The following WDFY1 variants were observed in gnomAD, a reference collection of about 807,000 sequenced individuals.
The protein encoded by WDFY1 is WD repeat and FYVE domain-containing protein 1.
WDFY1 carries 32 observed loss-of-function variants against 56.4 expected under a neutral mutation model. The ratio of observed to expected loss-of-function variants is 0.57; its 90% CI spans 0.43 to 0.76. WDFY1 has a LOEUF of 0.76. Among genes scored for constraint, WDFY1 ranks in the 30% least tolerant of loss-of-function variants. WDFY1 has a pLI of 0.00. For missense variants in WDFY1, 480 were observed against 545.7 expected (o/e 0.88, Z 1.20); for synonymous variants, 192 against 197.3 (o/e 0.97, Z 0.23).
intron 8 of WDFY1, among the ~76,000 whole-genome samples, chr2:223,892,063 C>T (rs1693288670): frequency 6.6e-6 from 1 of 152,132 alleles, no homozygotes; most frequent in African/African-American, 2.4e-5. Context: ...CAACCTCTGC[C>T]TCCTGGGTTC....
intron 4 of WDFY1, 71 bp downstream of exon 4, chr2:223,905,876 T>C: frequency 9.1e-7 from 1 of 1,101,244 alleles, no homozygotes; most frequent in Non-Finnish European, 1.2e-6. Context: ...ATTTTCATCA[T>C]AAGAGATGAT....
At position 223,925,011 on chromosome 2, in the gene WDFY1, A is replaced by G. The variant is rs1484099443; in HGVS notation, c.138-7001T>C. Among the ~76,000 whole-genome samples, 5 of 152,224 alleles carry G rather than the reference A, an allele frequency of 3.3e-5. No homozygotes were observed. The East Asian group carries it at 9.6e-4, about 29-fold the overall frequency. On this transcript the variant is annotated intron_variant, in intron 1 of 11. Coordinates refer to ENST00000233055, the MANE Select transcript of WDFY1 (RefSeq NM_020830.5). Reference sequence around the variant, plus strand: ...AGGCTTGGAAATTGGTTCTATAGAAATCATTTAATAGAATAAAAAAGGAAC... The same window carrying G: ...AGGCTTGGAAATTGGTTCTATAGAAGTCATTTAATAGAATAAAAAAGGAAC...
intron 1 of WDFY1, among the ~76,000 whole-genome samples, chr2:223,927,085 G>T (rs1392724255): frequency 6.6e-6 from 1 of 152,176 alleles, no homozygotes; most frequent in Non-Finnish European, 1.5e-5. Flanking sequence ...AGGCTTTGTT[G>T]TTCCATTTAT....
intron 8 of WDFY1, among the ~76,000 whole-genome samples, chr2:223,888,114 C>T (rs1190812307): frequency 6.6e-6 from 1 of 151,972 alleles, no homozygotes; most frequent in East Asian, 1.9e-4. Context: ...CAGGGTCTCG[C>T]TTTGTCACAC....
chr2:223,918,263 C>T (rs995890335), intron 1 of WDFY1, among the ~76,000 whole-genome samples: 1 of 151,926 alleles, frequency 6.6e-6, no homozygotes, highest in Admixed American at 6.6e-5. Flanking sequence ...TATATATAGT[C>T]ACATAAAGTA....
rs1414762448 is a variant in WDFY1, at chr2:223,895,630, C to T, written c.599G>A (p.Gly200Asp). ...GTCCCACCAGAGGCAGGCGACACTACCTAGGGATTTGTGAGAGAGAGAGAG... is the reference window on the plus strand; with the variant it reads ...GTCCCACCAGAGGCAGGCGACACTATCTAGGGATTTGTGAGAGAGAGAGAG... ...SVITTLKGHE[G>D]SVACLWWDPI... Residue 200 changes from glycine (G) to aspartate (D), a missense_variant and splice_region_variant, in exon 7 of 12, where the codon GGT becomes GAT. Transcript: ENST00000233055. 6.2e-7 allele frequency: 1 copy of T among 1,613,498 alleles called. No individual in the cohort carries two copies. Among genetic ancestry groups the T allele is most frequent in the Non-Finnish European group, 8.5e-7 (1 of 1,179,864 alleles).
At chr2:223,936,991 C>T (rs868835704) in intron 1 of WDFY1, among the ~76,000 whole-genome samples, 4 of 152,182 alleles carry the variant, frequency 2.6e-5, no homozygotes, top group Non-Finnish European at 4.4e-5. Flanking sequence ...TTTTGTTTTG[C>T]GTCTTTTGGC....
At chr2:223,894,087 T>C (rs938743409) in intron 8 of WDFY1, 147 bp downstream of exon 8, 1 of 692,540 alleles carries the variant, frequency 1.4e-6, no homozygotes, top group African/African-American at 1.8e-5. Flanking sequence ...ACAAAGGACC[T>C]TGTCAGAAAT....
intron 2 of WDFY1, among the ~76,000 whole-genome samples, chr2:223,913,724 T>C (rs1000989435): frequency 1.1e-4 from 17 of 152,292 alleles, no homozygotes; most frequent in Admixed American, 9.2e-4. Flanking sequence ...ATTTTTTTAA[T>C]GCCCAACCCT....
In WDFY1 at chr2:223,903,663, A is replaced by T. The variant is rs1295570320; in HGVS notation, c.334+2284T>A. Reference sequence around the variant, plus strand: ...CACGTTTTTTGTTTTTTTTTTTTTAAAAAAAGGGACAGGATCTCACTCTGT... The same window carrying T: ...CACGTTTTTTGTTTTTTTTTTTTTATAAAAAGGGACAGGATCTCACTCTGT... On this transcript the variant is annotated intron_variant, in intron 4 of 11. Coordinates refer to ENST00000233055, the MANE Select transcript of WDFY1 (RefSeq NM_020830.5). 1.2e-4 allele frequency among the ~76,000 whole-genome samples: 17 copies of T among 144,298 alleles called. 1 individual carries two copies. The highest frequency in any genetic ancestry group is 4.8e-4 in the African/African-American group (17 of 35,370). The allele number at this position is 144,298 out of a possible 152,430, so 94.7% of individuals were successfully genotyped here.
At chr2:223,889,446 G>A (rs1693229749) in intron 8 of WDFY1, among the ~76,000 whole-genome samples, 1 of 152,194 alleles carries the variant, frequency 6.6e-6, no homozygotes, top group South Asian at 2.1e-4. Context: ...TGTGTCATGG[G>A]AGGGACCCAG....
At chr2:223,881,760 C>T (rs1375247317) in intron 10 of WDFY1, among the ~76,000 whole-genome samples, 182 bp downstream of exon 10, 1 of 152,102 alleles carries the variant, frequency 6.6e-6, no homozygotes, top group Non-Finnish European at 1.5e-5. Flanking sequence ...TGCACTCCAG[C>T]ATGGGTGACA....
At chr2:223,933,889 G>C (rs568759562) in intron 1 of WDFY1, among the ~76,000 whole-genome samples, 7 of 148,266 alleles carry the variant, frequency 4.7e-5, no homozygotes, top group Admixed American at 2.0e-4. Flanking sequence ...TTGAGCCCAG[G>C]AGGTGGAGGC....
At chr2:223,898,658 G>A (rs947848500) in intron 6 of WDFY1, among the ~76,000 whole-genome samples, 2 of 152,068 alleles carry the variant, frequency 1.3e-5, no homozygotes, top group African/African-American at 4.8e-5. Context: ...CACCTAATTC[G>A]GCCCCCAAAG....
intron 6 of WDFY1, among the ~76,000 whole-genome samples, chr2:223,896,751 C>G (rs910256847): frequency 2.6e-5 from 4 of 152,162 alleles, no homozygotes. Flanking sequence ...TTTCCAAAAA[C>G]AGAACAAAAG....
intron 6 of WDFY1, among the ~76,000 whole-genome samples, chr2:223,896,049 G>A (rs558359615): frequency 3.0e-4 from 45 of 150,314 alleles, no homozygotes; most frequent in African/African-American, 1.0e-3. Context: ...CCAGCTACTC[G>A]GGAGGCTAAG....
intron 10 of WDFY1, 91 bp from the exon 11 acceptor site, chr2:223,880,323 A>G: frequency 8.7e-7 from 1 of 1,146,136 alleles, no homozygotes; most frequent in South Asian, 1.3e-5. Context: ...ATAAGCAAAT[A>G]TGGCCAGGTG....
At chr2:223,906,492 T>C (rs1333107484) in intron 3 of WDFY1, among the ~76,000 whole-genome samples, 1 of 152,172 alleles carries the variant, frequency 6.6e-6, no homozygotes, top group Non-Finnish European at 1.5e-5. Flanking sequence ...ATTTTGAGAT[T>C]GTGGGTGGTT....
At chr2:223,933,346 A>ATTTT (rs35417214) in intron 1 of WDFY1, among the ~76,000 whole-genome samples, 1 of 147,080 alleles carries the variant, frequency 6.8e-6, no homozygotes. Flanking sequence ...AAACCTGCAG[A>ATTTT]TTTTTTTTTT....
Sources: gnomAD v4.1 joint callset for allele counts (sites outside exome capture counted in the v4.1 genomes callset) on GRCh38, gnomAD v4.1.1 for gene constraint, MANE v1.5 for transcripts, NCBI Gene and HGNC (gene_info 2026-07-23, HGNC 2026-07-21) for gene names.